Variants in C1orf159 observed in about 807,000 individuals in gnomAD.
The protein encoded by C1orf159 is chromosome 1 open reading frame 159.
Under a neutral mutation model 25.6 loss-of-function variants are expected in C1orf159, and 19 were observed. The ratio of observed to expected loss-of-function variants is 0.74; its 90% CI spans 0.52 to 1.09. The LOEUF (loss-of-function observed/expected upper bound fraction) is 1.09. Among genes scored for constraint, C1orf159 ranks in the 50% least tolerant of loss-of-function variants. The probability of loss-of-function intolerance (pLI) is 0.00; values close to 1 mark genes in which losing one functional copy is unlikely to be tolerated. For synonymous variants in C1orf159, 139 were observed against 124.7 expected, an observed-to-expected ratio of 1.12 and a Z score of -0.77; for missense variants, 274 against 290.6, an observed-to-expected ratio of 0.94 and a Z score of 0.42.
At chr1:1,102,735 T>C (rs906174912) in intron 1 of C1orf159, among the ~76,000 whole-genome samples, 1 of 150,700 alleles carries the variant, frequency 6.6e-6, no homozygotes, top group South Asian at 2.1e-4. Flanking sequence ...GAGGCAGAAG[T>C]TGCAGTGAGA....
Position 1,087,484 on chromosome 1 carries a change from G to T in C1orf159, c.244+18C>A. 6.5e-7 allele frequency: 1 copy of T among 1,539,494 alleles called. No individual in the cohort carries two copies. Among genetic ancestry groups the T allele is most frequent in the African/African-American group, 1.4e-5 (1 of 72,842 alleles). On this transcript the variant is annotated intron_variant, in intron 5 of 9. Transcript: ENST00000421241. This position sits in a 1 kb window ranked among gnomAD's most constrained non-coding sequence, Gnocchi z 8.3. ...TGGAGCTGTGAGAAGGGAGCCGGGG[G>T]GAGCCGGGCAGACCTACAGCTTCTA...
In C1orf159 at chr1:1,089,219, T is replaced by G. The variant is rs1307727359; in HGVS notation, c.148+1134A>C. 6.6e-6 allele frequency among the ~76,000 whole-genome samples: 1 copy of G among 152,086 alleles called. No individual in the cohort carries two copies. Among genetic ancestry groups the G allele is most frequent in the Non-Finnish European group, 1.5e-5 (1 of 67,974 alleles). ...CTGTGCATGGGGCCACCTCGGCCCT[T>G]GGACTTCACGACCCGCTGGCCTGGC... On this transcript the variant is annotated intron_variant, in intron 4 of 9. Transcript: ENST00000421241. This position sits in a 1 kb window ranked among gnomAD's most constrained non-coding sequence, Gnocchi z 7.5.
chr1:1,085,468 C>T (rs915595373), intron 7 of C1orf159, among the ~76,000 whole-genome samples: 1 of 152,164 alleles, frequency 6.6e-6, no homozygotes, highest in Non-Finnish European at 1.5e-5. Flanking sequence ...GTGGGCCCTG[C>T]ACCAGCCTGG....
rs922530052 is a variant in C1orf159, at chr1:1,110,962, G to A, written c.-136+5098C>T. Among the ~76,000 whole-genome samples, 3 of 152,226 alleles carry A rather than the reference G, an allele frequency of 2.0e-5. No homozygotes were observed. Among genetic ancestry groups the A allele is most frequent in the Non-Finnish European group, 2.9e-5 (2 of 68,042 alleles). On this transcript the variant is annotated intron_variant, in intron 1 of 9. Transcript: ENST00000421241. This position sits in a 1 kb window ranked among gnomAD's most constrained non-coding sequence, Gnocchi z 4.8. ...AGGCGGGCGCTGGAGCAGCCTGCGAGGCAATCTCCATGGATCACAGGCAGA... is the reference window on the plus strand; with the variant it reads ...AGGCGGGCGCTGGAGCAGCCTGCGAAGCAATCTCCATGGATCACAGGCAGA...
At chr1:1,085,653 G>A (rs149054764) in intron 7 of C1orf159, among the ~76,000 whole-genome samples, 178 of 152,354 alleles carry the variant, frequency 1.2e-3, no homozygotes, top group African/African-American at 4.1e-3. Flanking sequence ...GGGCCCCGAG[G>A]AAGGCCCCTT....
chr1:1,090,993 G>A (rs1227201921), intron 3 of C1orf159: 4 of 1,546,936 alleles, frequency 2.6e-6, no homozygotes, highest in African/African-American at 2.7e-5. Flanking sequence ...CCTGAATGCA[G>A]TGAACGGTGA....
chr1:1,086,147 CCGAGGGCT>C, intron 6 of C1orf159, 135 bp from the exon 7 acceptor site: 1 of 1,138,844 alleles, frequency 8.8e-7, no homozygotes, highest in South Asian at 1.5e-5. Flanking sequence ...GCTGTGGGTG[CCGAGGGCT>C]CTGCACATGG....
chr1:1,103,212 C>T (rs535709045), intron 1 of C1orf159, among the ~76,000 whole-genome samples: 7 of 152,304 alleles, frequency 4.6e-5, no homozygotes, highest in Admixed American at 1.3e-4. Flanking sequence ...CTGAGATTTC[C>T]GGCACTTTGT....
intron 1 of C1orf159, among the ~76,000 whole-genome samples, chr1:1,103,556 T>A (rs1052529623): frequency 6.6e-6 from 1 of 152,188 alleles, no homozygotes; most frequent in African/African-American, 2.4e-5. Context: ...GGTCACTGCA[T>A]GGCACAGGGT....
intron 1 of C1orf159, among the ~76,000 whole-genome samples, chr1:1,111,771 C>T (rs557772262): frequency 6.6e-6 from 1 of 152,156 alleles, no homozygotes; most frequent in Non-Finnish European, 1.5e-5. Context: ...AAACACAGCC[C>T]CGAGGGCTGG....
intron 1 of C1orf159, among the ~76,000 whole-genome samples, chr1:1,098,394 C>A (rs1646038684): frequency 6.6e-6 from 1 of 152,184 alleles, no homozygotes; most frequent in South Asian, 2.1e-4. Flanking sequence ...TTTCTAATTT[C>A]CCATTTGAGT....
In C1orf159 at chr1:1,087,195, G is replaced by A. The variant is rs377521755; in HGVS notation, c.254C>T (p.Pro85Leu). 30 of 1,607,944 alleles carry A rather than the reference G, an allele frequency of 1.9e-5. No individual in the cohort carries two copies. Among genetic ancestry groups the A allele is most frequent in the South Asian group, 1.4e-4 (13 of 90,460 alleles). ...NGSECRSFAG[P>L]GAPFPMNRSS... ...TCTGTTCATGGGGAATGGCGCACCC[G>A]GGCCAGCAACTGTGGGATAGCAGAA... is the stretch of plus-strand genomic sequence containing the variant. The change falls in exon 6 of 10, where the codon CCG (proline) becomes CTG (leucine). Residue 85 changes from proline to leucine, a missense_variant. Transcript: ENST00000421241. The surrounding 1 kb of genome is among the most constrained non-coding windows in gnomAD (Gnocchi z 8.3).
intron 1 of C1orf159, among the ~76,000 whole-genome samples, chr1:1,113,496 G>A (rs547057559): frequency 5.5e-4 from 84 of 152,216 alleles, no homozygotes; most frequent in African/African-American, 1.8e-3. Flanking sequence ...GGGCTGAAGC[G>A]ATCCTCCTGC....
chr1:1,088,555 C>G (rs888035303), intron 4 of C1orf159, among the ~76,000 whole-genome samples: 2 of 151,262 alleles, frequency 1.3e-5, no homozygotes, highest in African/African-American at 2.4e-5. Context: ...CTCATCCCCC[C>G]GCCAGGCCGA....
intron 1 of C1orf159, among the ~76,000 whole-genome samples, chr1:1,100,430 G>A (rs770687128): frequency 6.6e-6 from 1 of 152,064 alleles, no homozygotes; most frequent in Non-Finnish European, 1.5e-5. Context: ...TCCCCGCTGT[G>A]CCCACCCAGG....
chr1:1,091,329 C>G, intron 3 of C1orf159, 143 bp downstream of exon 3: 1 of 830,930 alleles, frequency 1.2e-6, no homozygotes, highest in Non-Finnish European at 2.0e-6. Flanking sequence ...CCTCTGACCC[C>G]AGCAGTGGAC....
intron 9 of C1orf159, 136 bp downstream of exon 9, chr1:1,084,217 G>A: frequency 6.6e-7 from 1 of 1,519,824 alleles, no homozygotes; most frequent in Non-Finnish European, 8.8e-7. Context: ...CCTTGTGGGT[G>A]GGTCTCCTGG....
rs958960381 is a variant in C1orf159, at chr1:1,087,466, G to A, written c.244+36C>T. On this transcript the variant is annotated intron_variant, in intron 5 of 9. Coordinates refer to ENST00000421241, the MANE Select transcript of C1orf159 (RefSeq NM_017891.5). This position sits in a 1 kb window ranked among gnomAD's most constrained non-coding sequence, Gnocchi z 8.3. Reference sequence around the variant, plus strand: ...CACAGTGTCTCCCACAGCTGGAGCTGTGAGAAGGGAGCCGGGGGGAGCCGG... The same window carrying A: ...CACAGTGTCTCCCACAGCTGGAGCTATGAGAAGGGAGCCGGGGGGAGCCGG... 4.0e-6 allele frequency: 6 copies of A among 1,517,446 alleles called. No individual in the cohort carries two copies. In the East Asian group the frequency reaches 1.2e-4, roughly 31 times the overall value. The allele number at this position is 1,517,446 out of a possible 1,614,324, so 94.0% of individuals were successfully genotyped here.
chr1:1,108,453 C>T (rs1244233494), intron 1 of C1orf159, among the ~76,000 whole-genome samples: 5 of 114,088 alleles, frequency 4.4e-5, no homozygotes, highest in Non-Finnish European at 7.0e-5. Context: ...GTCTCGACAC[C>T]GTTCACCACA....
Sources: gnomAD v4.1 joint callset for allele counts (sites outside exome capture counted in the v4.1 genomes callset) on GRCh38, gnomAD v4.1.1 for gene constraint, Gnocchi (gnomAD v3.1) non-coding constraint, MANE v1.5 for transcripts, NCBI Gene and HGNC (gene_info 2026-07-23, HGNC 2026-07-21) for gene names.